The following EXOC4 variants were observed in gnomAD, a reference collection of about 807,000 sequenced individuals.
The protein encoded by EXOC4 is SEC8-like 1.
A neutral mutation model predicts 107.2 loss-of-function variants in EXOC4; 71 were observed. The observed-to-expected ratio is 0.66, with a 90% confidence interval of 0.55 to 0.81. The LOEUF is 0.81. Among genes scored for constraint, EXOC4 ranks in the 30% least tolerant of loss-of-function variants. The probability of loss-of-function intolerance (pLI) is 0.00; values close to 1 mark genes in which losing one functional copy is unlikely to be tolerated. For missense variants in EXOC4, 1,108 were observed against 1,189.6 expected (o/e 0.93, Z 1.01); for synonymous variants, 456 against 441.2 (o/e 1.03, Z -0.42).
At chr7:133,756,452 C>A (rs529772574) in intron 10 of EXOC4, among the ~76,000 whole-genome samples, 1 of 152,274 alleles carries the variant, frequency 6.6e-6, no homozygotes, top group South Asian at 2.1e-4. Context: ...TCTCAAAAGT[C>A]CTGTTAAGCT....
intron 9 of EXOC4, among the ~76,000 whole-genome samples, chr7:133,607,968 A>T (rs897243005): frequency 1.3e-5 from 2 of 152,224 alleles, no homozygotes; most frequent in Admixed American, 6.5e-5. Flanking sequence ...AGTCATTTTT[A>T]AGTCATCCTT....
chr7:133,782,762 A>G (rs1796494600), intron 10 of EXOC4, among the ~76,000 whole-genome samples: 1 of 152,124 alleles, frequency 6.6e-6, no homozygotes, highest in African/African-American at 2.4e-5. Context: ...ACTTAACTAC[A>G]ATTATGCTGT....
chr7:133,623,610 G>C (rs530343241), intron 9 of EXOC4, among the ~76,000 whole-genome samples: 1 of 152,132 alleles, frequency 6.6e-6, no homozygotes, highest in Non-Finnish European at 1.5e-5. Flanking sequence ...AGTGCAATAG[G>C]TAATTCTTTC....
chr7:133,375,541 A>G (rs764052092), intron 7 of EXOC4, among the ~76,000 whole-genome samples: 2 of 152,090 alleles, frequency 1.3e-5, no homozygotes, highest in Non-Finnish European at 2.9e-5. Flanking sequence ...CATATTCTCA[A>G]TATGTATAGT....
At chr7:133,848,307 C>A (rs1034754088) in intron 11 of EXOC4, among the ~76,000 whole-genome samples, 5 of 152,142 alleles carry the variant, frequency 3.3e-5, no homozygotes, top group Non-Finnish European at 7.3e-5. Flanking sequence ...ATTTTTATAT[C>A]AACTCCGGCA....
chr7:133,717,913 A>G (rs1244732297), intron 10 of EXOC4, among the ~76,000 whole-genome samples: 3 of 152,214 alleles, frequency 2.0e-5, no homozygotes, highest in Non-Finnish European at 4.4e-5. Context: ...AACAGAGGCT[A>G]AAGAACTCCT....
At chr7:133,850,142 C>A (rs1563026065) in intron 11 of EXOC4, among the ~76,000 whole-genome samples, 1 of 152,162 alleles carries the variant, frequency 6.6e-6, no homozygotes, top group Non-Finnish European at 1.5e-5. Context: ...GATTATTTGT[C>A]TTTATAAAAT....
At chr7:133,344,918 G>C (rs902251918) in intron 5 of EXOC4, among the ~76,000 whole-genome samples, 7 of 152,136 alleles carry the variant, frequency 4.6e-5, no homozygotes, top group Non-Finnish European at 1.0e-4. Context: ...GCTGGGATTA[G>C]GTGTCTTTTT....
At chr7:133,492,496 C>A (rs758775718) in intron 9 of EXOC4, among the ~76,000 whole-genome samples, 1 of 152,116 alleles carries the variant, frequency 6.6e-6, no homozygotes, top group Non-Finnish European at 1.5e-5. Flanking sequence ...AATTTTACTA[C>A]ATAGTCTAAT....
chr7:133,745,522 T>C (rs529501584), intron 10 of EXOC4, among the ~76,000 whole-genome samples: 8 of 152,204 alleles, frequency 5.3e-5, no homozygotes, highest in African/African-American at 1.2e-4. Context: ...CAAAAACTTA[T>C]TAAATTATGT....
At chr7:134,087,693 G>A in the EXOC4 span, among the ~76,000 whole-genome samples, 1 of 152,120 alleles carries the variant, frequency 6.6e-6, no homozygotes, top group Admixed American at 6.6e-5. Context: ...TCACTAGTTG[G>A]TTCACAGGGA....
At chr7:134,081,854 C>T in the EXOC4 span, among the ~76,000 whole-genome samples, 1 of 152,088 alleles carries the variant, frequency 6.6e-6, no homozygotes, top group Non-Finnish European at 1.5e-5. Context: ...GGGCTGTGTA[C>T]AGAAAAATGT....
intron 11 of EXOC4, among the ~76,000 whole-genome samples, chr7:133,889,016 T>A (rs1454554626): frequency 6.6e-6 from 1 of 152,268 alleles, no homozygotes; most frequent in Non-Finnish European, 1.5e-5. Context: ...AGATAACATA[T>A]GCTGTGTATG....
chr7:133,293,262 T>A (rs763287661), intron 3 of EXOC4, among the ~76,000 whole-genome samples: 2 of 152,208 alleles, frequency 1.3e-5, no homozygotes, highest in African/African-American at 4.8e-5. Context: ...CTTGGTCTTT[T>A]GTATATAAGA....
intron 7 of EXOC4, among the ~76,000 whole-genome samples, chr7:133,424,223 A>G (rs570119345): frequency 6.6e-6 from 1 of 151,766 alleles, no homozygotes; most frequent in Admixed American, 6.6e-5. Flanking sequence ...GCTGCTGCTC[A>G]CTCTTTGGGT....
intron 5 of EXOC4, among the ~76,000 whole-genome samples, chr7:133,340,986 A>T (rs1450306643): frequency 1.3e-5 from 2 of 151,462 alleles, no homozygotes; most frequent in Non-Finnish European, 2.9e-5. Flanking sequence ...TGTTTTATTA[A>T]TTTTTTTGTA....
intron 1 of EXOC4, among the ~76,000 whole-genome samples, chr7:133,265,027 A>G (rs893384888): frequency 6.6e-6 from 1 of 152,174 alleles, no homozygotes; most frequent in Non-Finnish European, 1.5e-5. Flanking sequence ...AACTTAATCT[A>G]ATGTCTTCTG....
intron 13 of EXOC4, among the ~76,000 whole-genome samples, chr7:133,935,048 C>T (rs954335456): frequency 6.6e-6 from 1 of 151,706 alleles, no homozygotes. Context: ...TCATTTTTCT[C>T]TGCTATGACA....
intron 9 of EXOC4, among the ~76,000 whole-genome samples, chr7:133,503,974 C>G (rs1278889992): frequency 6.6e-6 from 1 of 150,620 alleles, no homozygotes; most frequent in Non-Finnish European, 1.5e-5. Context: ...TACATAGACA[C>G]ACGTATGTAT....
Sources: gnomAD v4.1 joint callset for allele counts (sites outside exome capture counted in the v4.1 genomes callset) on GRCh38, gnomAD v4.1.1 for gene constraint, MANE v1.5 for transcripts, NCBI Gene and HGNC (gene_info 2026-07-23, HGNC 2026-07-21) for gene names.